The following PARD3B variants were observed in gnomAD, a reference collection of about 807,000 sequenced individuals.
PARD3B encodes par-3 family cell polarity regulator beta.
A neutral mutation model predicts 130.2 loss-of-function variants in PARD3B; 103 were observed. The ratio of observed to expected loss-of-function variants is 0.79; its 90% CI spans 0.67 to 0.93. The LOEUF (loss-of-function observed/expected upper bound fraction) is 0.93, where lower values mean the gene tolerates loss of function less well. PARD3B is among the 40% of genes least tolerant of loss of function. PARD3B has a pLI of 0.00. For synonymous variants in PARD3B, 583 were observed against 553.2 expected, an observed-to-expected ratio of 1.05 and a Z score of -0.76; for missense variants, 1,609 against 1,499.2, an observed-to-expected ratio of 1.07 and a Z score of -1.21.
At chr2:205,507,196 ATTTTTTTTTTTTTTTTTTTTTTT>A (rs71410819) in intron 21 of PARD3B, among the ~76,000 whole-genome samples, 2 of 25,174 alleles carry the variant, frequency 7.9e-5, no homozygotes, top group Admixed American at 7.3e-4. Context: ...CAGGTGCAGT[ATTTTTTTTTTTTTTTTTTTTTTT>A]TTTTTTTTTT....
intron 21 of PARD3B, among the ~76,000 whole-genome samples, chr2:205,529,920 G>A (rs2051512572): frequency 2.6e-5 from 4 of 152,176 alleles, no homozygotes; most frequent in Admixed American, 1.3e-4. Context: ...GGGCTCTGGT[G>A]TGGACTTAGA....
chr2:205,164,300 A>T (rs1013660529), intron 11 of PARD3B, among the ~76,000 whole-genome samples: 1 of 152,212 alleles, frequency 6.6e-6, no homozygotes, highest in African/African-American at 2.4e-5. Context: ...GTAATATAAC[A>T]TTACTTTTAA....
intron 1 of PARD3B, among the ~76,000 whole-genome samples, chr2:204,631,363 C>T (rs2034674954): frequency 6.6e-6 from 1 of 152,038 alleles, no homozygotes; most frequent in South Asian, 2.1e-4. Flanking sequence ...AATTCTCCTG[C>T]CTCAGCCTCC....
At chr2:205,071,933 C>A (rs1217025558) in intron 4 of PARD3B, among the ~76,000 whole-genome samples, 1 of 151,950 alleles carries the variant, frequency 6.6e-6, no homozygotes, top group Non-Finnish European at 1.5e-5. Flanking sequence ...CAGATTTAGC[C>A]ACTTGTTTGA....
intron 1 of PARD3B, among the ~76,000 whole-genome samples, chr2:204,614,169 T>C (rs1268548483): frequency 1.3e-5 from 2 of 152,124 alleles, no homozygotes; most frequent in Non-Finnish European, 2.9e-5. Context: ...AATAGAAATA[T>C]AATGCAAATC....
chr2:204,921,255 G>T (rs2047666298), intron 2 of PARD3B, among the ~76,000 whole-genome samples: 1 of 152,130 alleles, frequency 6.6e-6, no homozygotes, highest in Non-Finnish European at 1.5e-5. Context: ...CCATTAAAAA[G>T]AAAGTTATAG....
chr2:205,550,953 G>GTC lies in PARD3B; in HGVS notation c.3181-2370_3181-2369insCT, dbSNP rs2052605954. ...TGTGTGTGTGTGTGTATATATATAT[G>GTC]TGTATATATATATATATATATATAC... On this transcript the variant is annotated intron_variant, in intron 21 of 22. Coordinates refer to ENST00000406610, the MANE Select transcript of PARD3B (RefSeq NM_001302769.2). The surrounding 1 kb of genome is among the most constrained non-coding windows in gnomAD (Gnocchi z 4.5). 2.0e-5 allele frequency among the ~76,000 whole-genome samples: 1 copy of GTC among 49,876 alleles called. No individual in the cohort carries two copies. The highest frequency in any genetic ancestry group is 4.5e-5 in the Non-Finnish European group (1 of 22,344). The allele number at this position is 49,876 out of a possible 152,430, so 32.7% of individuals were successfully genotyped here.
At chr2:205,478,963 T>C (rs1340525807) in intron 20 of PARD3B, among the ~76,000 whole-genome samples, 2 of 152,164 alleles carry the variant, frequency 1.3e-5, no homozygotes, top group East Asian at 1.9e-4. Flanking sequence ...GGCACTGAGA[T>C]GTTATAGCAA....
chr2:205,503,150 T>G (rs996554079), intron 21 of PARD3B, among the ~76,000 whole-genome samples: 3 of 152,100 alleles, frequency 2.0e-5, no homozygotes, highest in Admixed American at 2.0e-4. Flanking sequence ...CAGGTGCTGA[T>G]AACAAGAATA....
At chr2:205,600,262 T>C (rs1404474167) in intron 22 of PARD3B, among the ~76,000 whole-genome samples, 1 of 152,196 alleles carries the variant, frequency 6.6e-6, no homozygotes, top group Admixed American at 6.5e-5. Context: ...TCTAGATTTC[T>C]AGTGGGCTAA....
chr2:205,172,450 C>A, intron 12 of PARD3B, 69 bp downstream of exon 12: 1 of 1,455,822 alleles, frequency 6.9e-7, no homozygotes, highest in East Asian at 2.4e-5. Flanking sequence ...ACTTCCATTC[C>A]TAGTATGGCA....
At chr2:205,431,959 T>G (rs1259305410) in intron 19 of PARD3B, among the ~76,000 whole-genome samples, 1 of 152,176 alleles carries the variant, frequency 6.6e-6, no homozygotes, top group Non-Finnish European at 1.5e-5. Context: ...AAGTTAAGAC[T>G]TCTGTACATT....
At chr2:205,073,300 G>C (rs1396602471) in intron 4 of PARD3B, among the ~76,000 whole-genome samples, 1 of 152,118 alleles carries the variant, frequency 6.6e-6, no homozygotes, top group African/African-American at 2.4e-5. Flanking sequence ...CCATCCCTTT[G>C]CTTAAAGTTG....
At position 205,550,955 on chromosome 2, in the gene PARD3B, G is replaced by GTGTGTATATATATA. The variant is rs796567936; in HGVS notation, c.3181-2368_3181-2367insGTGTATATATATAT. Among the ~76,000 whole-genome samples the GTGTGTATATATATA allele has an allele frequency of 9.8e-3, 908 of 93,058 alleles. 2 individuals are homozygous for GTGTGTATATATATA. The highest frequency in any genetic ancestry group is 0.011 in the Non-Finnish European group (473 of 43,816). The allele number at this position is 93,058 out of a possible 152,430, so 61.0% of individuals were successfully genotyped here. On this transcript the variant is annotated intron_variant, in intron 21 of 22. Coordinates refer to ENST00000406610, the MANE Select transcript of PARD3B (RefSeq NM_001302769.2). The surrounding 1 kb of genome is among the most constrained non-coding windows in gnomAD (Gnocchi z 4.5). The stretch of plus-strand genomic sequence containing the variant: ...TGTGTGTGTGTGTATATATATATGT[G>GTGTGTATATATATA]TATATATATATATATATATATACAC...
Position 205,301,730 on chromosome 2 carries a change from G to GT in PARD3B, c.2630+31dup. On this transcript the variant is annotated intron_variant, in intron 18 of 22. Coordinates refer to ENST00000406610, the MANE Select transcript of PARD3B (RefSeq NM_001302769.2). The surrounding 1 kb of genome is among the most constrained non-coding windows in gnomAD (Gnocchi z 5.2). ...TGGGCCTGCTTTGAAGGCAAAGTTGGTTCTCATTTTGTCTCTCCTGGTAAA... is the reference window on the plus strand; with the variant it reads ...TGGGCCTGCTTTGAAGGCAAAGTTGGTTTCTCATTTTGTCTCTCCTGGTAAA... The GT allele has an allele frequency of 1.9e-6, 3 of 1,613,880 alleles. No individual in the cohort carries two copies.
intron 4 of PARD3B, among the ~76,000 whole-genome samples, chr2:205,094,464 T>A (rs1038473180): frequency 1.3e-5 from 2 of 152,170 alleles, no homozygotes; most frequent in African/African-American, 4.8e-5. Flanking sequence ...CTCTATCTAA[T>A]AGTTATAAAA....
chr2:205,073,199 T>G (rs1251969077), intron 4 of PARD3B, among the ~76,000 whole-genome samples: 1 of 152,166 alleles, frequency 6.6e-6, no homozygotes, highest in East Asian at 1.9e-4. Flanking sequence ...AGTGGGCCAC[T>G]TAAAAAATGT....
chr2:204,871,967 A>C (rs2045646345), intron 2 of PARD3B, among the ~76,000 whole-genome samples: 1 of 152,138 alleles, frequency 6.6e-6, no homozygotes, highest in Non-Finnish European at 1.5e-5. Flanking sequence ...GGACAGTCAC[A>C]CAGTTCTTTA....
At chr2:205,523,949 A>G (rs1420522372) in intron 21 of PARD3B, among the ~76,000 whole-genome samples, 1 of 151,450 alleles carries the variant, frequency 6.6e-6, no homozygotes, top group Admixed American at 6.6e-5. Flanking sequence ...TGGTGGTTTG[A>G]AGTTTGAAGT....
Sources: gnomAD v4.1 joint callset for allele counts (sites outside exome capture counted in the v4.1 genomes callset) on GRCh38, gnomAD v4.1.1 for gene constraint, Gnocchi (gnomAD v3.1) non-coding constraint, MANE v1.5 for transcripts, NCBI Gene and HGNC (gene_info 2026-07-23, HGNC 2026-07-21) for gene names.